METTL8: variants seen among roughly 807,000 people sequenced by gnomAD.
The protein encoded by METTL8 is methyltransferase 8, tRNA N3-cytidine, also known as tRNA N(3)-cytidine methyltransferase METTL8, mitochondrial.
In METTL8, 32 loss-of-function variants were observed where a neutral mutation model predicts 48.7. That is an observed-to-expected ratio of 0.66 (90% confidence interval 0.50 to 0.88). METTL8 has a LOEUF of 0.88. METTL8 is among the 40% of genes least tolerant of loss of function. The probability of loss-of-function intolerance (pLI) is 0.00; values close to 1 mark genes in which losing one functional copy is unlikely to be tolerated. For missense variants in METTL8, 464 were observed against 474.4 expected (o/e 0.98, Z 0.20); for synonymous variants, 136 against 157.1 (o/e 0.87, Z 1.01).
At chr2:171,373,705 C>T (rs1686626137) in intron 2 of METTL8, among the ~76,000 whole-genome samples, 1 of 152,166 alleles carries the variant, frequency 6.6e-6, no homozygotes, top group African/African-American at 2.4e-5. Context: ...TATGGCTAGC[C>T]AGTTTTCCCA....
chr2:171,407,900 T>C (rs1413957663), intron 1 of METTL8, among the ~76,000 whole-genome samples: 5 of 152,106 alleles, frequency 3.3e-5, no homozygotes, highest in African/African-American at 1.2e-4. Flanking sequence ...GTATTTTGAA[T>C]AGAGAAAAGT....
intron 2 of METTL8, among the ~76,000 whole-genome samples, chr2:171,371,823 ATTG>A (rs1301618045): frequency 3.0e-5 from 4 of 131,654 alleles, no homozygotes; most frequent in Admixed American, 1.6e-4. Flanking sequence ...AAATTACATT[ATTG>A]TTATTATTAC....
intron 3 of METTL8, among the ~76,000 whole-genome samples, chr2:171,359,882 C>T (rs1023447980): frequency 3.3e-5 from 5 of 152,120 alleles, no homozygotes; most frequent in East Asian, 3.8e-4. Flanking sequence ...TGAGCCACCG[C>T]GCCGGCTCCT....
chr2:171,433,585 A>G (rs1693407555), intron 1 of METTL8, among the ~76,000 whole-genome samples: 1 of 152,230 alleles, frequency 6.6e-6, no homozygotes, highest in African/African-American at 2.4e-5. Context: ...TCTTTTACTT[A>G]GAGACATCGA....
intron 3 of METTL8, among the ~76,000 whole-genome samples, chr2:171,352,121 G>A (rs563237159): frequency 5.3e-5 from 8 of 152,136 alleles, no homozygotes; most frequent in African/African-American, 1.9e-4. Flanking sequence ...TTATTATTTT[G>A]AGATATGTCC....
rs1686808569 is a variant in METTL8 at position 171,375,044 on chromosome 2, T to C, written c.144-14531A>G. ...CGATTCCTGACTACTTTGCTGTGAA[T>C]TGCACAACTCACACAGTAATATAGC... On this transcript the variant is annotated intron_variant, in intron 2 of 9. Transcript: ENST00000375258. 1.5e-5 allele frequency: 17 copies of C among 1,098,984 alleles called. No individual in the cohort carries two copies. In the East Asian group the frequency reaches 1.6e-4, roughly 11 times the overall value. 68.1% of individuals were successfully genotyped at this position (1,098,984 alleles called of 1,614,324 possible).
intron 1 of METTL8, among the ~76,000 whole-genome samples, chr2:171,421,768 G>T (rs950958936): frequency 3.3e-5 from 5 of 152,022 alleles, no homozygotes; most frequent in African/African-American, 4.8e-5. Flanking sequence ...CATATACTTG[G>T]GTTCCACAGG....
intron 1 of METTL8, among the ~76,000 whole-genome samples, chr2:171,430,612 C>T (rs1692914608): frequency 6.6e-6 from 1 of 152,136 alleles, no homozygotes; most frequent in Non-Finnish European, 1.5e-5. Flanking sequence ...CAAGTGACAG[C>T]TTGTGCTTTA....
Position 171,360,409 on chromosome 2 carries a change from C to A in METTL8, c.235+13G>T, listed in dbSNP as rs201929130. 3 of 1,610,838 alleles carry A rather than the reference C, an allele frequency of 1.9e-6. No homozygotes were observed. Among genetic ancestry groups the A allele is most frequent in the Non-Finnish European group, 2.5e-6 (3 of 1,177,852 alleles). On this transcript the variant is annotated intron_variant, in intron 3 of 9. Transcript: ENST00000375258. The stretch of plus-strand genomic sequence containing the variant: ...AGCTCTGGCTCTAGGAGCTACAGCA[C>A]GCAGTTGACTACCTTGCTCTTCCAG...
intron 3 of METTL8, among the ~76,000 whole-genome samples, chr2:171,341,857 A>G (rs1479143444): frequency 2.0e-5 from 3 of 151,972 alleles, no homozygotes; most frequent in African/African-American, 7.3e-5. Flanking sequence ...ACACACACAC[A>G]CACACACACA....
intron 1 of METTL8, among the ~76,000 whole-genome samples, chr2:171,400,174 G>A (rs988438946): frequency 2.6e-5 from 4 of 151,970 alleles, no homozygotes; most frequent in African/African-American, 9.7e-5. Flanking sequence ...TATAAAGGAC[G>A]AAGTAAACTA....
intron 2 of METTL8, among the ~76,000 whole-genome samples, chr2:171,383,077 A>C (rs112074606): frequency 5.1e-4 from 77 of 152,352 alleles, no homozygotes; most frequent in African/African-American, 1.8e-3. Flanking sequence ...CTGTGTGAAA[A>C]AAACAAACAA....
intron 3 of METTL8, among the ~76,000 whole-genome samples, chr2:171,356,569 A>C (rs1575819993): frequency 6.8e-6 from 1 of 147,776 alleles, no homozygotes; most frequent in Non-Finnish European, 1.5e-5. Flanking sequence ...TTCACCCCCC[A>C]CCCCTTCCTG....
Position 171,317,257 on chromosome 2 carries a change from GA to G in METTL8, c.*6914del, listed in dbSNP as rs1684306165. The G allele has an allele frequency of 6.6e-6, 1 of 152,102 alleles. No homozygotes were observed. Among genetic ancestry groups the G allele is most frequent in the African/African-American group, 2.4e-5 (1 of 41,416 alleles). The allele number at this position is 152,102 out of a possible 1,614,324, so 9.4% of individuals were successfully genotyped here. On this transcript the variant is annotated 3_prime_UTR_variant, in exon 10 of 10. Transcript: ENST00000375258. ...ACTTGATATATAAAGGTTAACTGAG[GA>G]AAAAATTAATTTCTGCGTTTTCTGC...
At chr2:171,324,501 A>C in intron 9 of METTL8, 139 bp from the exon 10 acceptor site, 1 of 751,160 alleles carries the variant, frequency 1.3e-6, no homozygotes, top group Non-Finnish European at 2.1e-6. Context: ...TTGGTGAAGG[A>C]AACCTGTGAA....
intron 1 of METTL8, among the ~76,000 whole-genome samples, chr2:171,395,851 C>G (rs139145660): frequency 8.8e-4 from 134 of 152,228 alleles, no homozygotes; most frequent in African/African-American, 3.0e-3. Flanking sequence ...ATTAACTTGA[C>G]CTAGATGACA....
intron 2 of METTL8, among the ~76,000 whole-genome samples, chr2:171,377,442 A>C (rs932313785): frequency 3.3e-5 from 5 of 152,224 alleles, no homozygotes; most frequent in African/African-American, 1.2e-4. Context: ...TCAGCAGAGT[A>C]AACAGACAAC....
At chr2:171,384,010 A>G (rs1045838139) in intron 2 of METTL8, among the ~76,000 whole-genome samples, 11 of 152,348 alleles carry the variant, frequency 7.2e-5, no homozygotes, top group African/African-American at 2.2e-4. Flanking sequence ...AACTATTCAC[A>G]AGAGGCAAAA....
At chr2:171,350,087 T>C (rs1350407227) in intron 3 of METTL8, among the ~76,000 whole-genome samples, 2 of 152,180 alleles carry the variant, frequency 1.3e-5, no homozygotes, top group Non-Finnish European at 2.9e-5. Flanking sequence ...ACATTAGGTA[T>C]ATCTCCTAAT....
Sources: allele counts gnomAD v4.1 joint callset (sites outside exome capture counted in the v4.1 genomes callset), GRCh38; gene constraint gnomAD v4.1.1; transcripts MANE v1.5; gene names NCBI Gene and HGNC (gene_info 2026-07-23, HGNC 2026-07-21).